Variants in LARP4B observed in about 807,000 individuals in gnomAD.
LARP4B encodes la-related protein 4B.
Under a neutral mutation model 89.8 loss-of-function variants are expected in LARP4B, and 12 were observed. The ratio of observed to expected loss-of-function variants is 0.13; its 90% CI spans 0.09 to 0.22. LARP4B has a LOEUF of 0.22. Ranked by LOEUF, LARP4B falls within the 10% of genes least tolerant of loss-of-function variation. LARP4B has a pLI of 1.00. For synonymous variants in LARP4B, 367 were observed against 363.3 expected, an observed-to-expected ratio of 1.01 and a Z score of -0.12; for missense variants, 757 against 947.7, an observed-to-expected ratio of 0.80 and a Z score of 2.64.
the LARP4B span, among the ~76,000 whole-genome samples, chr10:980,173 A>G: frequency 6.6e-6 from 1 of 152,196 alleles, no homozygotes; most frequent in Non-Finnish European, 1.5e-5. Flanking sequence ...TGGTCTCCCA[A>G]GGCCTTGGGC....
the LARP4B span, among the ~76,000 whole-genome samples, chr10:945,964 G>A: frequency 6.6e-6 from 1 of 152,180 alleles, no homozygotes; most frequent in Non-Finnish European, 1.5e-5. Flanking sequence ...CAGCCTTGAT[G>A]GCCCCCTGGT....
intron 1 of LARP4B, among the ~76,000 whole-genome samples, chr10:904,568 A>G (rs1301190674): frequency 6.6e-6 from 1 of 152,030 alleles, no homozygotes; most frequent in Non-Finnish European, 1.5e-5. Context: ...CAAAATAAAA[A>G]TAAAAATAAA....
At chr10:934,833 C>CA (rs1419262085), upstream of LARP4B, among the ~76,000 whole-genome samples, 3 of 152,228 alleles carry the variant, frequency 2.0e-5, no homozygotes, top group African/African-American at 4.8e-5. Flanking sequence ...CCCGTCCCCC[C>CA]AGTGGTTTTG....
intron 1 of LARP4B, among the ~76,000 whole-genome samples, chr10:907,826 C>T (rs960057073): frequency 2.0e-5 from 3 of 152,196 alleles, no homozygotes; most frequent in Non-Finnish European, 4.4e-5. Context: ...CAGCCCACTC[C>T]CAATCTCCAG....
intron 15 of LARP4B, among the ~76,000 whole-genome samples, chr10:816,295 C>T (rs1832052788): frequency 6.6e-6 from 1 of 152,222 alleles, no homozygotes; most frequent in South Asian, 2.1e-4. Flanking sequence ...TGCAGATCCA[C>T]AACTGCAGGT....
chr10:850,096 G>A (rs955345090), intron 5 of LARP4B, among the ~76,000 whole-genome samples: 3 of 152,190 alleles, frequency 2.0e-5, no homozygotes, highest in African/African-American at 2.4e-5. Flanking sequence ...GTCGGTAATA[G>A]GAAAAACTGG....
the LARP4B span, among the ~76,000 whole-genome samples, chr10:964,411 T>G: frequency 8.8e-6 from 1 of 113,428 alleles, no homozygotes; most frequent in East Asian, 2.7e-4. Context: ...TTAGTAACAT[T>G]AGTTATATCT....
intron 9 of LARP4B, 59 bp downstream of exon 9, chr10:830,808 A>G (rs1832864778): frequency 2.6e-6 from 2 of 763,660 alleles, no homozygotes; most frequent in Non-Finnish European, 4.6e-6. Context: ...CCCAACATGC[A>G]CTAATAGTAA....
intron 5 of LARP4B, among the ~76,000 whole-genome samples, chr10:858,114 CCT>C (rs1834402719): frequency 6.6e-6 from 1 of 152,136 alleles, no homozygotes. Flanking sequence ...TTTGGATCCC[CCT>C]GTTGGTTAAC....
At chr10:899,017 TTCC>T (rs900007894) in intron 1 of LARP4B, among the ~76,000 whole-genome samples, 4 of 152,252 alleles carry the variant, frequency 2.6e-5, no homozygotes, top group Non-Finnish European at 5.9e-5. Flanking sequence ...CTCGTCTTCA[TTCC>T]TTCTTCCCTT....
At chr10:911,099 T>C (rs1836653385) in intron 1 of LARP4B, among the ~76,000 whole-genome samples, 1 of 152,144 alleles carries the variant, frequency 6.6e-6, no homozygotes, top group Non-Finnish European at 1.5e-5. Context: ...CTCTCTTACA[T>C]TTAGAAAGTG....
At chr10:824,024 G>A (rs1437644443) in intron 13 of LARP4B, among the ~76,000 whole-genome samples, 3 of 152,226 alleles carry the variant, frequency 2.0e-5, no homozygotes, top group Non-Finnish European at 2.9e-5. Flanking sequence ...TCACTGCACA[G>A]AGGGTGTGCA....
chr10:828,386 T>C (rs1832730850), intron 11 of LARP4B, among the ~76,000 whole-genome samples: 1 of 152,252 alleles, frequency 6.6e-6, no homozygotes, highest in Admixed American at 6.5e-5. Context: ...CTTGGCATGT[T>C]TGACTTTTCC....
At chr10:988,274 T>A in the LARP4B span, 1 of 585,760 alleles carries the variant, frequency 1.7e-6, no homozygotes, top group Non-Finnish European at 3.1e-6. Context: ...CCCTCGCTCC[T>A]GAGGCCCTCA....
rs562149474 is a variant in LARP4B, at chr10:916,494, G to A, written c.-40+14934C>T. Among the ~76,000 whole-genome samples, 11 of 152,188 alleles carry A rather than the reference G, an allele frequency of 7.2e-5. No individual in the cohort carries two copies. In the South Asian group the frequency reaches 1.5e-3, roughly 20 times the overall value. On this transcript the variant is annotated intron_variant, in intron 1 of 17. Transcript: ENST00000316157. ...GCAGATCACCTGAGGTCAGGAGTTC[G>A]AGACCAGCCTGACCAACACGGAGAA...
intron 5 of LARP4B, among the ~76,000 whole-genome samples, chr10:863,187 T>C (rs1834712593): frequency 6.6e-6 from 1 of 151,794 alleles, no homozygotes; most frequent in African/African-American, 2.4e-5. Context: ...GTTCCACCTC[T>C]GCACTTTTAC....
intron 1 of LARP4B, among the ~76,000 whole-genome samples, chr10:886,136 T>TA (rs1835850456): frequency 6.6e-6 from 1 of 151,994 alleles, no homozygotes; most frequent in African/African-American, 2.4e-5. Context: ...AATAAATAAA[T>TA]AACCTGGTTA....
chr10:875,229 T>C (rs1427721865), intron 3 of LARP4B, among the ~76,000 whole-genome samples: 1 of 152,244 alleles, frequency 6.6e-6, no homozygotes, highest in Non-Finnish European at 1.5e-5. Context: ...CATTTTTACA[T>C]GTGTCATCTC....
Position 834,527 on chromosome 10 carries a change from T to C in LARP4B, c.750+1876A>G, listed in dbSNP as rs139186344. On this transcript the variant is annotated intron_variant, in intron 8 of 17. Coordinates refer to ENST00000316157, the MANE Select transcript of LARP4B (RefSeq NM_015155.3). ...TCTAAGACCCAGTAGAAGGGCTCTA[T>C]AATAATTATACAGAGTCCTTGGGAA... 5.5e-3 allele frequency among the ~76,000 whole-genome samples: 844 copies of C among 152,344 alleles called. 6 individuals are homozygous for C. The highest frequency in any genetic ancestry group is 0.019 in the African/African-American group (793 of 41,572).
Sources: gnomAD v4.1 joint callset for allele counts (sites outside exome capture counted in the v4.1 genomes callset) on GRCh38, gnomAD v4.1.1 for gene constraint, MANE v1.5 for transcripts, NCBI Gene and HGNC (gene_info 2026-07-23, HGNC 2026-07-21) for gene names.